The following JPH1 variants were observed in gnomAD, a reference collection of about 807,000 sequenced individuals.
JPH1 encodes junctophilin-1.
Under a neutral mutation model 53.6 loss-of-function variants are expected in JPH1, and 12 were observed. The observed-to-expected ratio is 0.22, with a 90% CI of 0.14 to 0.36. JPH1 has a LOEUF of 0.36. Among genes scored for constraint, JPH1 ranks in the 10% least tolerant of loss-of-function variants. The probability of loss-of-function intolerance (pLI) is 1.00; values close to 1 mark genes in which losing one functional copy is unlikely to be tolerated. For synonymous variants in JPH1, 375 were observed against 363.8 expected (o/e 1.03, Z -0.35); for missense variants, 808 against 905.5 (o/e 0.89, Z 1.38).
intron 3 of JPH1, among the ~76,000 whole-genome samples, chr8:74,247,994 T>G (rs1439756563): frequency 3.9e-5 from 6 of 152,222 alleles, no homozygotes; most frequent in Non-Finnish European, 7.3e-5. Flanking sequence ...ATTAATGAAC[T>G]TATGAAGCTA....
At chr8:74,248,805 G>A (rs1261118881) in intron 3 of JPH1, among the ~76,000 whole-genome samples, 2 of 152,200 alleles carry the variant, frequency 1.3e-5, no homozygotes, top group Non-Finnish European at 2.9e-5. Flanking sequence ...TAGTAAATGT[G>A]TGTCAGCATT....
intron 2 of JPH1, among the ~76,000 whole-genome samples, chr8:74,309,148 G>A (rs1807919129): frequency 6.6e-6 from 1 of 152,142 alleles, no homozygotes; most frequent in South Asian, 2.1e-4. Context: ...GGCAAAAGGA[G>A]CAGCATAGTC....
At chr8:74,298,387 C>A (rs1479029444) in intron 2 of JPH1, among the ~76,000 whole-genome samples, 1 of 152,154 alleles carries the variant, frequency 6.6e-6, no homozygotes, top group African/African-American at 2.4e-5. Context: ...TGCCTAGATG[C>A]ATTTATTCAT....
Position 74,245,028 on chromosome 8 carries a change from C to G in JPH1, c.1406G>C (p.Ser469Thr), listed in dbSNP as rs1191399633. The G allele has an allele frequency of 6.2e-7, 1 of 1,613,970 alleles. No homozygotes were observed. The highest frequency in any genetic ancestry group is 8.5e-7 in the Non-Finnish European group (1 of 1,179,996). The change falls in exon 4 of 6, where the codon AGT becomes ACT. Residue 469 changes from serine to threonine, a missense_variant. Around this residue, in one of 2 missense-constraint regions of JPH1, gnomAD observed 756 missense variants for 811.9 expected, o/e 0.93. Transcript: ENST00000342232. ...AGCAGGAGAGTGGCTGTGTTTGGGA[C>G]TTGCCTCAGGAGATCTTGGGGGTGT... ...GTTPPRSPEA[S>T]PKHSHSPASS...
At chr8:74,255,746 C>T (rs1806201802) in intron 3 of JPH1, among the ~76,000 whole-genome samples, 1 of 152,144 alleles carries the variant, frequency 6.6e-6, no homozygotes, top group Non-Finnish European at 1.5e-5. Context: ...TGAACAGACA[C>T]TTCTCAAAAG....
chr8:74,290,618 TGG>T (rs1368270519), intron 2 of JPH1, among the ~76,000 whole-genome samples: 2 of 152,142 alleles, frequency 1.3e-5, no homozygotes, highest in African/African-American at 4.8e-5. Context: ...TTCACAGAAT[TGG>T]AAAAAACTAC....
At chr8:74,299,187 A>C (rs1198645278) in intron 2 of JPH1, among the ~76,000 whole-genome samples, 2 of 151,332 alleles carry the variant, frequency 1.3e-5, no homozygotes, top group Non-Finnish European at 3.0e-5. Context: ...CAACTTCTTT[A>C]CGAAGTCATT....
intron 2 of JPH1, among the ~76,000 whole-genome samples, chr8:74,312,932 G>A (rs1011812691): frequency 6.6e-6 from 1 of 152,206 alleles, no homozygotes; most frequent in African/African-American, 2.4e-5. Flanking sequence ...ATATAATACA[G>A]TATTCCCAAA....
rs976931082 is a variant in JPH1, at chr8:74,320,769, G to A, written c.379+140C>T. 3 of 1,029,314 alleles carry A rather than the reference G, an allele frequency of 2.9e-6. No individual in the cohort carries two copies. Among genetic ancestry groups the A allele is most frequent in the African/African-American group, 1.7e-5 (1 of 58,776 alleles). 63.8% of individuals were successfully genotyped at this position (1,029,314 alleles called of 1,614,324 possible). On this transcript the variant is annotated intron_variant, in intron 1 of 5. Transcript: ENST00000342232. The surrounding 1 kb of genome is among the most constrained non-coding windows in gnomAD (Gnocchi z 4.4). The stretch of plus-strand genomic sequence containing the variant: ...CTCTCTGGGAAAGGCGGGCGCGGGC[G>A]CGGGGGTGGGAGGCGCCCCCAGGTG...
chr8:74,303,948 C>T (rs912868587), intron 2 of JPH1, among the ~76,000 whole-genome samples: 1 of 151,876 alleles, frequency 6.6e-6, no homozygotes, highest in East Asian at 2.0e-4. Context: ...CAACACCCTA[C>T]ACCTAGCACT....
At chr8:74,283,264 T>C (rs893082092) in intron 2 of JPH1, among the ~76,000 whole-genome samples, 36 of 151,758 alleles carry the variant, frequency 2.4e-4, no homozygotes, top group African/African-American at 8.0e-4. Flanking sequence ...CTTAAATATA[T>C]ATTTTTAAAT....
chr8:74,305,537 G>A (rs1359974309), intron 2 of JPH1, among the ~76,000 whole-genome samples: 2 of 152,202 alleles, frequency 1.3e-5, no homozygotes, highest in Non-Finnish European at 2.9e-5. Context: ...ATATTTCAGG[G>A]CTAAATGAGC....
intron 2 of JPH1, among the ~76,000 whole-genome samples, chr8:74,277,246 T>A (rs1271154399): frequency 6.6e-6 from 1 of 152,164 alleles, no homozygotes; most frequent in Non-Finnish European, 1.5e-5. Context: ...GCTCCCGCCA[T>A]CTGGAGGCCC....
Position 74,237,271 on chromosome 8 carries a change from C to T in JPH1, c.1938G>A (p.Met646Ile), listed in dbSNP as rs959034649. 1 of 1,613,244 alleles carries T rather than the reference C, an allele frequency of 6.2e-7. No homozygotes were observed. Among genetic ancestry groups the T allele is most frequent in the African/African-American group, 1.3e-5 (1 of 74,866 alleles). Reference protein sequence around the residue: ...GPNSIMIVLVMLLNIGLAILF... With the variant: ...GPNSIMIVLVILLNIGLAILF... Reference sequence around the variant, plus strand: ...GAATGGCCAACCCGATATTCAACAGCATGACAAGGACAATCATGATTGAAT... The same window carrying T: ...GAATGGCCAACCCGATATTCAACAGTATGACAAGGACAATCATGATTGAAT... Residue 646 changes from methionine (M) to isoleucine (I), a missense_variant, in exon 5 of 6, where the codon ATG becomes ATA. Physicochemically the swap from Met to Ile is conservative, Grantham distance 10. Around this residue, in one of 2 missense-constraint regions of JPH1, gnomAD observed 756 missense variants for 811.9 expected, o/e 0.93. Transcript: ENST00000342232.
At chr8:74,245,709 A>G (rs1212620464) in intron 3 of JPH1, among the ~76,000 whole-genome samples, 3 of 152,190 alleles carry the variant, frequency 2.0e-5, no homozygotes. Context: ...ATTCACAGCT[A>G]TGGAAAACAC....
At chr8:74,240,813 CT>C (rs1291051646) in intron 4 of JPH1, among the ~76,000 whole-genome samples, 1 of 152,192 alleles carries the variant, frequency 6.6e-6, no homozygotes, top group Non-Finnish European at 1.5e-5. Context: ...ATGAAGCCAA[CT>C]TCTAAAGTCC....
chr8:74,315,166 C>T lies in JPH1; in HGVS notation c.834G>A (p.Thr278=), dbSNP rs1301168603. Residue 278 remains threonine (T), a synonymous_variant, in exon 2 of 6, where the codon ACG becomes ACA. Coordinates refer to ENST00000342232, the MANE Select transcript of JPH1 (RefSeq NM_020647.4). The surrounding 1 kb of genome is among the most constrained non-coding windows in gnomAD (Gnocchi z 6.3). ...TCTTCCACTCGCCCATGTAGGTTTC[C>T]GTGGTGGTGGCGTCCACGTGGTCTT... ...PVEDHVDATT[T]ETYMGEWKND... is the part of the protein sequence containing the mutation. 1.2e-6 allele frequency: 2 copies of T among 1,614,202 alleles called. No individual in the cohort carries two copies. Among genetic ancestry groups the T allele is most frequent in the South Asian group, 1.1e-5 (1 of 91,086 alleles).
chr8:74,268,824 A>C (rs1032791812), intron 2 of JPH1, among the ~76,000 whole-genome samples: 1 of 152,230 alleles, frequency 6.6e-6, no homozygotes, highest in African/African-American at 2.4e-5. Flanking sequence ...GGCAAAATAC[A>C]TGACGAGAGC....
intron 2 of JPH1, among the ~76,000 whole-genome samples, chr8:74,295,474 A>G (rs1807477974): frequency 6.6e-6 from 1 of 152,160 alleles, no homozygotes; most frequent in African/African-American, 2.4e-5. Context: ...GTTGGCTGTA[A>G]CAGTTTATTT....
Sources: gnomAD v4.1 joint callset for allele counts (sites outside exome capture counted in the v4.1 genomes callset) on GRCh38, gnomAD v4.1.1 for gene constraint, gnomAD v4.1.1 regional missense constraint, Gnocchi (gnomAD v3.1) non-coding constraint, MANE v1.5 for transcripts, NCBI Gene and HGNC (gene_info 2026-07-23, HGNC 2026-07-21) for gene names.